MEI1: variants seen among roughly 807,000 people sequenced by gnomAD.
The protein encoded by MEI1 is meiosis inhibitor protein 1.
In MEI1, 103 loss-of-function variants were observed where a neutral mutation model predicts 146.2. The observed-to-expected ratio is 0.70, with a 90% CI of 0.60 to 0.83. The LOEUF is 0.83. MEI1 is among the 40% of genes least tolerant of loss of function. The pLI, the probability that MEI1 is intolerant of heterozygous loss-of-function variation, is 0.00. For synonymous variants in MEI1, 652 were observed against 628.2 expected, an observed-to-expected ratio of 1.04 and a Z score of -0.57; for missense variants, 1,529 against 1,533.0, an observed-to-expected ratio of 1.00 and a Z score of 0.04.
At chr22:41,736,342 C>T (rs1383178404) in intron 11 of MEI1, among the ~76,000 whole-genome samples, 3 of 151,364 alleles carry the variant, frequency 2.0e-5, no homozygotes, top group Admixed American at 6.6e-5. Flanking sequence ...TTGTGCCTCC[C>T]GGGTTCACGC....
chr22:41,732,484 C>A lies in MEI1; in HGVS notation c.1212C>A (p.Ile404=), dbSNP rs1298795151. Reference sequence around the variant, plus strand: ...CATTTCTCAGGCAGCCAGAGGAGATCAAGCTGTTCACAAGCTCAGCCATGT... The same window carrying A: ...CATTTCTCAGGCAGCCAGAGGAGATAAAGCTGTTCACAAGCTCAGCCATGT... ...AEILTRQPEE[I]KLFTSSAMCR... is the part of the protein sequence containing the mutation. Residue 404 remains isoleucine (I), a synonymous_variant, in exon 11 of 31, where the codon ATC becomes ATA. Transcript: ENST00000401548. 1 of 1,613,892 alleles carries A rather than the reference C, an allele frequency of 6.2e-7. No homozygotes were observed. The highest frequency in any genetic ancestry group is 2.2e-5 in the East Asian group (1 of 44,880).
At chr22:41,786,613 A>G (rs2075995362) in intron 26 of MEI1, among the ~76,000 whole-genome samples, 1 of 152,218 alleles carries the variant, frequency 6.6e-6, no homozygotes, top group Non-Finnish European at 1.5e-5. Context: ...ATTGAGTCTC[A>G]TTAGGCTGGC....
intron 21 of MEI1, 38 bp downstream of exon 21, chr22:41,776,305 A>C (rs2075434548): frequency 8.1e-6 from 13 of 1,608,662 alleles, no homozygotes; most frequent in Non-Finnish European, 1.0e-5. Flanking sequence ...TTTGACCTGA[A>C]AGCCAGTCGA....
intron 7 of MEI1, among the ~76,000 whole-genome samples, chr22:41,727,605 G>A (rs1232846821): frequency 2.3e-5 from 1 of 43,572 alleles, no homozygotes; most frequent in Non-Finnish European, 4.5e-5. Flanking sequence ...CCTTGCTAAA[G>A]GTTCCCAAAG....
At chr22:41,774,582 C>T (rs2075348698) in intron 20 of MEI1, 1 of 152,168 alleles carries the variant, frequency 6.6e-6, no homozygotes, top group African/African-American at 2.4e-5. Flanking sequence ...TGAGTCTCTA[C>T]AAGGTGACAA....
At chr22:41,776,058 A>G (rs758565671) in intron 20 of MEI1, 44 bp from the exon 21 acceptor site, 12 of 1,585,574 alleles carry the variant, frequency 7.6e-6, no homozygotes, top group South Asian at 1.1e-5. Context: ...CTTTTCCCCA[A>G]CTGCAGTACC....
chr22:41,739,140 C>CA (rs11297750), intron 11 of MEI1, among the ~76,000 whole-genome samples: 59 of 143,740 alleles, frequency 4.1e-4, no homozygotes, highest in East Asian at 1.8e-3. Context: ...ACTAAAAATA[C>CA]AAAAAAAAAA....
At chr22:41,732,702 T>G (rs999777955) in intron 11 of MEI1, 99 bp downstream of exon 11, 1 of 1,283,986 alleles carries the variant, frequency 7.8e-7, no homozygotes, top group Admixed American at 2.5e-5. Flanking sequence ...AGATTACTTA[T>G]AATACCTAAT....
Position 41,776,153 on chromosome 22 carries a change from C to T in MEI1, c.2596C>T (p.Leu866=). The change falls in exon 21 of 31, where the codon CTG becomes TTG. Residue 866 remains leucine (L), a synonymous_variant. Transcript: ENST00000401548. The part of the protein sequence containing the change: ...VDTAHKVLIS[L]RTFLRRNEDI... ...CACAGCTCACAAGGTACTGATTAGC[C>T]TGAGGACCTTCCTGAGGAGGAATGA... The T allele has an allele frequency of 6.2e-7, 1 of 1,614,002 alleles. No homozygotes were observed. Among genetic ancestry groups the T allele is most frequent in the South Asian group, 1.1e-5 (1 of 91,084 alleles).
Position 41,753,929 on chromosome 22 carries a change from TTTC to T in MEI1, c.1854-12_1854-10del, listed in dbSNP as rs761081432. The T allele has an allele frequency of 4.1e-5, 64 of 1,542,928 alleles. No homozygotes were observed. The highest frequency in any genetic ancestry group is 1.0e-4 in the South Asian group (9 of 89,656). On this transcript the variant is annotated splice_polypyrimidine_tract_variant and intron_variant, in intron 16 of 30. Coordinates refer to ENST00000401548, the MANE Select transcript of MEI1 (RefSeq NM_152513.4). ...AGTAGCAATGTCATCTCTTCTATTC[TTTC>T]TTCTTCTCCCTCTAAGTCACTCAGC... is the stretch of plus-strand genomic sequence containing the variant.
chr22:41,776,413 T>C (rs2075439176), intron 21 of MEI1, 146 bp downstream of exon 21: 1 of 831,158 alleles, frequency 1.2e-6, no homozygotes. Flanking sequence ...CAAGCTAAAC[T>C]TCACCTCCTT....
chr22:41,763,141 G>A, intron 18 of MEI1, 33 bp from the exon 19 acceptor site: 1 of 1,609,834 alleles, frequency 6.2e-7, no homozygotes, highest in Non-Finnish European at 8.5e-7. Flanking sequence ...TGCCAACTCT[G>A]CCTTTCTCAC....
chr22:41,727,754 C>T (rs1448953334), intron 7 of MEI1, among the ~76,000 whole-genome samples: 1 of 152,080 alleles, frequency 6.6e-6, no homozygotes, highest in African/African-American at 2.4e-5. Context: ...TCTGGTGGAA[C>T]CAACACAAGC....
intron 3 of MEI1, among the ~76,000 whole-genome samples, chr22:41,712,177 C>T (rs1329230367): frequency 1.1e-5 from 1 of 92,086 alleles, no homozygotes; most frequent in Non-Finnish European, 2.0e-5. Context: ...GCACTCCAGC[C>T]TGGGCAACAA....
intron 15 of MEI1, among the ~76,000 whole-genome samples, chr22:41,749,762 T>C (rs2073616891): frequency 6.6e-6 from 1 of 152,144 alleles, no homozygotes; most frequent in Non-Finnish European, 1.5e-5. Context: ...AAGGTAGTGT[T>C]GGGGCATGGA....
chr22:41,715,010 A>G (rs1396039621), intron 4 of MEI1, among the ~76,000 whole-genome samples: 1 of 152,232 alleles, frequency 6.6e-6, no homozygotes, highest in Non-Finnish European at 1.5e-5. Flanking sequence ...CATCAAGAAC[A>G]TTTCATTATA....
chr22:41,725,472 T>C (rs1034215688), intron 7 of MEI1, among the ~76,000 whole-genome samples: 4 of 152,170 alleles, frequency 2.6e-5, no homozygotes, highest in Non-Finnish European at 5.9e-5. Flanking sequence ...GGAGAATACT[T>C]ACAGCAATAG....
chr22:41,723,894 TG>T (rs1406151380), intron 6 of MEI1, 48 bp from the exon 7 acceptor site: 13 of 1,557,110 alleles, frequency 8.3e-6, no homozygotes, highest in Non-Finnish European at 1.1e-5. Flanking sequence ...GGGAGTACTC[TG>T]GTGCCTGTGT....
At chr22:41,742,548 A>C (rs2072972107) in intron 11 of MEI1, among the ~76,000 whole-genome samples, 1 of 152,230 alleles carries the variant, frequency 6.6e-6, no homozygotes, top group South Asian at 2.1e-4. Flanking sequence ...GATCCCCATA[A>C]TAAGTCTATG....
Sources: gnomAD v4.1 joint callset for allele counts (sites outside exome capture counted in the v4.1 genomes callset) on GRCh38, gnomAD v4.1.1 for gene constraint, MANE v1.5 for transcripts, NCBI Gene and HGNC (gene_info 2026-07-23, HGNC 2026-07-21) for gene names.